The following PEX5L variants were observed in gnomAD, a reference collection of about 807,000 sequenced individuals.
The protein encoded by PEX5L is peroxisomal biogenesis factor 5 like.
A neutral mutation model predicts 84.0 loss-of-function variants in PEX5L; 30 were observed. The observed-to-expected ratio is 0.36, with a 90% confidence interval of 0.27 to 0.48. The LOEUF (loss-of-function observed/expected upper bound fraction) is 0.48. Ranked by LOEUF, PEX5L falls within the 20% of genes least tolerant of loss-of-function variation. PEX5L has a pLI of 0.99. For missense variants in PEX5L, 533 were observed against 754.6 expected (o/e 0.71, Z 3.44); for synonymous variants, 270 against 283.1 (o/e 0.95, Z 0.46).
chr3:179,946,167 T>G (rs1777489499), intron 2 of PEX5L, among the ~76,000 whole-genome samples: 1 of 152,206 alleles, frequency 6.6e-6, no homozygotes, highest in Non-Finnish European at 1.5e-5. Context: ...AGGGCTCTGA[T>G]TTTGTAATTC....
intron 1 of PEX5L, chr3:179,974,311 G>A (rs903755527): frequency 1.5e-5 from 6 of 389,906 alleles, no homozygotes; most frequent in African/African-American, 6.6e-5. Context: ...ATCACTTCCT[G>A]TGCTCCTCCC....
In PEX5L at chr3:179,801,101, T is replaced by G. The variant is rs996684773; in HGVS notation, c.*727A>C. Reference sequence around the variant, plus strand: ...AGGAATTGTTTATTTGGTCCGTTGATCTAGTGAGGCTGAGTTCTTAAATCT... The same window carrying G: ...AGGAATTGTTTATTTGGTCCGTTGAGCTAGTGAGGCTGAGTTCTTAAATCT... On this transcript the variant is annotated 3_prime_UTR_variant, in exon 15 of 15. Coordinates refer to ENST00000467460, the MANE Select transcript of PEX5L (RefSeq NM_016559.3). 10 of 152,622 alleles carry G rather than the reference T, an allele frequency of 6.6e-5. No individual in the cohort carries two copies. The highest frequency in any genetic ancestry group is 2.4e-4 in the African/African-American group (10 of 41,436). The allele number at this position is 152,622 out of a possible 1,614,324, so 9.5% of individuals were successfully genotyped here.
At chr3:179,930,471 A>G (rs1278259573) in intron 2 of PEX5L, among the ~76,000 whole-genome samples, 2 of 152,180 alleles carry the variant, frequency 1.3e-5, no homozygotes, top group East Asian at 1.9e-4. Flanking sequence ...AAACTGGCCA[A>G]TGGTGTCAGT....
At chr3:179,802,863 G>GTT (rs201967991) in intron 14 of PEX5L, among the ~76,000 whole-genome samples, 2,577 of 145,938 alleles carry the variant, frequency 0.018, 49 homozygotes, top group African/African-American at 0.044. Flanking sequence ...CAAATTTCTT[G>GTT]TTTTTTTTTT....
intron 8 of PEX5L, among the ~76,000 whole-genome samples, chr3:179,824,510 G>A (rs376373826): frequency 4.6e-5 from 7 of 151,966 alleles, no homozygotes; most frequent in South Asian, 2.1e-4. Context: ...GTTTGAGACC[G>A]GCCTGACCAA....
At chr3:179,803,139 C>A in intron 14 of PEX5L, among the ~76,000 whole-genome samples, 1 of 152,250 alleles carries the variant, frequency 6.6e-6, no homozygotes, top group Admixed American at 6.5e-5. Context: ...TGCATGATAT[C>A]GCAACAGACT....
chr3:179,979,474 G>A (rs1472552138), intron 1 of PEX5L, among the ~76,000 whole-genome samples: 1 of 152,172 alleles, frequency 6.6e-6, no homozygotes, highest in Non-Finnish European at 1.5e-5. Context: ...GCAGTCTTAA[G>A]CAGTCTGGGT....
At chr3:179,913,845 TATTA>T (rs1429742094) in intron 2 of PEX5L, among the ~76,000 whole-genome samples, 2 of 152,200 alleles carry the variant, frequency 1.3e-5, no homozygotes, top group African/African-American at 4.8e-5. Context: ...CATAGAATTT[TATTA>T]ATTTTTTTCA....
intron 7 of PEX5L, among the ~76,000 whole-genome samples, chr3:179,863,044 G>A (rs1351307309): frequency 6.6e-6 from 1 of 152,154 alleles, no homozygotes; most frequent in Non-Finnish European, 1.5e-5. Flanking sequence ...TGCATTTATG[G>A]TTAATTGTTT....
At chr3:179,831,362 T>C (rs1732859822) in intron 8 of PEX5L, among the ~76,000 whole-genome samples, 1 of 151,672 alleles carries the variant, frequency 6.6e-6, no homozygotes, top group Non-Finnish European at 1.5e-5. Context: ...GCTTTTCTAA[T>C]GTCTTTATAA....
At chr3:179,962,003 C>T (rs62290488) in intron 2 of PEX5L, among the ~76,000 whole-genome samples, 3 of 152,224 alleles carry the variant, frequency 2.0e-5, no homozygotes, top group Non-Finnish European at 2.9e-5. Context: ...CTTTGTTAAT[C>T]CCAGAGTAGT....
intron 2 of PEX5L, 85 bp downstream of exon 2, chr3:179,971,509 C>T (rs1338730801): frequency 2.8e-6 from 4 of 1,447,896 alleles, no homozygotes; most frequent in Non-Finnish European, 3.6e-6. Context: ...AATACAGCTG[C>T]CAGAGAAGGG....
chr3:179,926,893 T>C lies in PEX5L; in HGVS notation c.94-28647A>G, dbSNP rs1468289077. ...TGGTCACCATCCAAAACAATTTTTA[T>C]GATTTCTGGGTAATGCCCCATTTTA... On this transcript the variant is annotated intron_variant, in intron 2 of 14. Transcript: ENST00000467460. Among the ~76,000 whole-genome samples, 3 of 152,356 alleles carry C rather than the reference T, an allele frequency of 2.0e-5. No homozygotes were observed. The East Asian group carries it at 5.8e-4, about 29-fold the overall frequency.
chr3:179,970,967 C>A (rs575404984), intron 2 of PEX5L, among the ~76,000 whole-genome samples: 3 of 152,230 alleles, frequency 2.0e-5, no homozygotes, highest in South Asian at 2.1e-4. Context: ...GGAAACCTTC[C>A]ATTACCTGGT....
chr3:180,019,190 A>G (rs1490412914), intron 1 of PEX5L, among the ~76,000 whole-genome samples: 1 of 152,158 alleles, frequency 6.6e-6, no homozygotes, highest in African/African-American at 2.4e-5. Flanking sequence ...TTAAGGCCAT[A>G]TAGGGTCACA....
intron 1 of PEX5L, among the ~76,000 whole-genome samples, chr3:179,977,925 C>T (rs972852249): frequency 4.6e-5 from 7 of 152,206 alleles, no homozygotes; most frequent in Admixed American, 1.3e-4. Flanking sequence ...CCACACAGTA[C>T]ACTTTTTTAT....
At chr3:179,936,821 C>T (rs1400658121) in intron 2 of PEX5L, among the ~76,000 whole-genome samples, 1 of 105,646 alleles carries the variant, frequency 9.5e-6, no homozygotes, top group African/African-American at 3.6e-5. Flanking sequence ...AAAGCTTAAC[C>T]CTTTACTCCA....
At chr3:179,846,025 C>T (rs920234253) in intron 8 of PEX5L, among the ~76,000 whole-genome samples, 5 of 152,084 alleles carry the variant, frequency 3.3e-5, no homozygotes, top group African/African-American at 1.2e-4. Context: ...CAAAAATTAG[C>T]CGGCCATGGT....
At chr3:179,989,014 C>G (rs1787133765) in intron 1 of PEX5L, among the ~76,000 whole-genome samples, 1 of 152,142 alleles carries the variant, frequency 6.6e-6, no homozygotes, top group Admixed American at 6.5e-5. Context: ...GGGGGATGGA[C>G]TTGGAATGCT....
Sources: gnomAD v4.1 joint callset for allele counts (sites outside exome capture counted in the v4.1 genomes callset) on GRCh38, gnomAD v4.1.1 for gene constraint, MANE v1.5 for transcripts, NCBI Gene and HGNC (gene_info 2026-07-23, HGNC 2026-07-21) for gene names.